Variants in BBX observed in about 807,000 individuals in gnomAD.
BBX encodes HMG box transcription factor BBX.
Under a neutral mutation model 100.2 loss-of-function variants are expected in BBX, and 30 were observed. The observed-to-expected ratio is 0.30, with a 90% CI of 0.22 to 0.41. The LOEUF is 0.41. BBX is among the 10% of genes least tolerant of loss of function. The pLI is 1.00. For missense variants in BBX, 1,023 were observed against 1,129.8 expected, an observed-to-expected ratio of 0.91 and a Z score of 1.35; for synonymous variants, 376 against 388.1, an observed-to-expected ratio of 0.97 and a Z score of 0.37.
intron 2 of BBX, among the ~76,000 whole-genome samples, chr3:107,577,288 A>G (rs566790448): frequency 6.6e-5 from 10 of 152,348 alleles, no homozygotes; most frequent in Admixed American, 6.5e-4. Flanking sequence ...GGGTGGACTC[A>G]GTATATGGTA....
intron 2 of BBX, among the ~76,000 whole-genome samples, chr3:107,616,040 T>G (rs2055241695): frequency 7.8e-6 from 1 of 128,176 alleles, no homozygotes; most frequent in African/African-American, 3.0e-5. Flanking sequence ...TTTTTTTTTT[T>G]TTGCTGTTGT....
intron 3 of BBX, among the ~76,000 whole-genome samples, chr3:107,691,853 G>A (rs994057063): frequency 3.9e-5 from 6 of 152,178 alleles, no homozygotes; most frequent in Non-Finnish European, 8.8e-5. Flanking sequence ...GGGCGTTGCA[G>A]CAGCTAGGAT....
At position 107,718,361 on chromosome 3, in the gene BBX, A is replaced by G. The variant is rs1180583037; in HGVS notation, c.405+1512A>G. 2.0e-5 allele frequency among the ~76,000 whole-genome samples: 3 copies of G among 150,150 alleles called. No homozygotes were observed. In the East Asian group the frequency reaches 5.8e-4, roughly 29 times the overall value. On this transcript the variant is annotated intron_variant, in intron 5 of 17. Coordinates refer to ENST00000325805, the MANE Select transcript of BBX (RefSeq NM_001142568.3). ...ACTTCAAAAATTGACTGTTAAAGAC[A>G]GGATTTTAACTATATAGGGCCTGTG...
At chr3:107,758,895 A>G (rs73210232) in intron 10 of BBX, among the ~76,000 whole-genome samples, 21,160 of 152,170 alleles carry the variant, frequency 0.14, 1,854 homozygotes, top group South Asian at 0.28. Context: ...ACCAGCCCCA[A>G]ACTAACTACT....
At chr3:107,658,771 A>G (rs1009319662) in intron 3 of BBX, among the ~76,000 whole-genome samples, 1 of 152,096 alleles carries the variant, frequency 6.6e-6, no homozygotes, top group Non-Finnish European at 1.5e-5. Context: ...TGAGCCTTAA[A>G]TGTAGGTGTC....
chr3:107,795,594 T>C (rs1440554137), intron 15 of BBX, among the ~76,000 whole-genome samples: 1 of 149,316 alleles, frequency 6.7e-6, no homozygotes, highest in Non-Finnish European at 1.5e-5. Flanking sequence ...GGGGAACTTA[T>C]GAGAACCTCC....
rs1166898761 is a variant in BBX at position 107,807,872 on chromosome 3, CT to C, written c.*2420del. ...TGTTTTCAGATACTTTAAAACAAAC[CT>C]TTTTGTAGAAATGCTTAATTTTTAA... On this transcript the variant is annotated 3_prime_UTR_variant, in exon 18 of 18. Transcript: ENST00000325805. The C allele has an allele frequency of 2.0e-5, 3 of 152,026 alleles. No individual in the cohort carries two copies. The highest frequency in any genetic ancestry group is 7.2e-5 in the African/African-American group (3 of 41,406). 9.4% of individuals were successfully genotyped at this position (152,026 alleles called of 1,614,324 possible).
At chr3:107,666,866 G>A (rs1204952400) in intron 3 of BBX, among the ~76,000 whole-genome samples, 5 of 152,088 alleles carry the variant, frequency 3.3e-5, no homozygotes, top group Non-Finnish European at 7.4e-5. Context: ...CACTGCACCC[G>A]GCCTAAAATA....
intron 17 of BBX, among the ~76,000 whole-genome samples, chr3:107,803,295 A>G (rs140720426): frequency 8.1e-4 from 123 of 152,318 alleles, no homozygotes; most frequent in Non-Finnish European, 1.5e-3. Context: ...CTTAATAGCT[A>G]GAAGGACAGA....
intron 2 of BBX, among the ~76,000 whole-genome samples, chr3:107,611,685 G>T (rs890498949): frequency 5.3e-5 from 8 of 151,554 alleles, no homozygotes; most frequent in African/African-American, 1.9e-4. Context: ...ACCTTTGAGA[G>T]TTTGAATATT....
intron 2 of BBX, among the ~76,000 whole-genome samples, chr3:107,580,878 G>C (rs967121550): frequency 6.6e-6 from 1 of 152,192 alleles, no homozygotes; most frequent in Admixed American, 6.5e-5. Context: ...TGATCCGCCC[G>C]CCTCGGCCTC....
At chr3:107,768,978 C>A (rs2066620208) in intron 10 of BBX, among the ~76,000 whole-genome samples, 1 of 110,872 alleles carries the variant, frequency 9.0e-6, no homozygotes, top group South Asian at 3.3e-4. Context: ...GGCAACATAG[C>A]AAGATGCCTA....
intron 3 of BBX, among the ~76,000 whole-genome samples, chr3:107,705,835 C>G (rs1027880683): frequency 3.3e-5 from 5 of 152,072 alleles, no homozygotes; most frequent in African/African-American, 9.7e-5. Flanking sequence ...TATTAACTTT[C>G]CAACAGGTAG....
rs1311543925 is a variant in BBX, at chr3:107,646,715, TA to T, written c.-10+809del. Among the ~76,000 whole-genome samples, 21 of 152,282 alleles carry T rather than the reference TA, an allele frequency of 1.4e-4. 1 individual carries two copies. In the East Asian group the frequency reaches 4.0e-3, roughly 29 times the overall value. On this transcript the variant is annotated intron_variant, in intron 3 of 17. Transcript: ENST00000325805. ...TGTGAATTAAAATGAGCAAATATAG[TA>T]AATATTATTTAGTTATAGTTTTCAG...
chr3:107,766,983 A>G (rs2066445810), intron 10 of BBX, among the ~76,000 whole-genome samples: 1 of 152,184 alleles, frequency 6.6e-6, no homozygotes, highest in Non-Finnish European at 1.5e-5. Flanking sequence ...GTTCTCACTT[A>G]TTAGTGGGAA....
At chr3:107,573,647 A>G (rs2051546172) in intron 2 of BBX, among the ~76,000 whole-genome samples, 1 of 152,244 alleles carries the variant, frequency 6.6e-6, no homozygotes, top group Non-Finnish European at 1.5e-5. Flanking sequence ...AAACATAGTT[A>G]CAGTTTTGTT....
At chr3:107,715,906 A>G (rs949492975) in intron 4 of BBX, among the ~76,000 whole-genome samples, 1 of 152,236 alleles carries the variant, frequency 6.6e-6, no homozygotes. Context: ...GTTTATTCCT[A>G]TCACCAGAGC....
chr3:107,768,221 G>A (rs186322449), intron 10 of BBX, among the ~76,000 whole-genome samples: 32 of 152,228 alleles, frequency 2.1e-4, no homozygotes, highest in Non-Finnish European at 4.0e-4. Flanking sequence ...ATTAGACCCC[G>A]ACTGGTACAA....
rs1463607513 is a variant in BBX, at chr3:107,759,904, A to G, written c.906+4226A>G. Reference sequence around the variant, plus strand: ...CAATTTTGAATGTTCTTTAAAATACATTACAAATTTGAATGGCAGATCTTT... The same window carrying G: ...CAATTTTGAATGTTCTTTAAAATACGTTACAAATTTGAATGGCAGATCTTT... On this transcript the variant is annotated intron_variant, in intron 10 of 17. Coordinates refer to ENST00000325805, the MANE Select transcript of BBX (RefSeq NM_001142568.3). Among the ~76,000 whole-genome samples, 4 of 152,326 alleles carry G rather than the reference A, an allele frequency of 2.6e-5. No individual in the cohort carries two copies. The East Asian group carries it at 5.8e-4, about 22-fold the overall frequency.
Sources: gnomAD v4.1 joint callset for allele counts (sites outside exome capture counted in the v4.1 genomes callset) on GRCh38, gnomAD v4.1.1 for gene constraint, MANE v1.5 for transcripts, NCBI Gene and HGNC (gene_info 2026-07-23, HGNC 2026-07-21) for gene names.